Variants in MYO19 observed in about 807,000 individuals in gnomAD.
The protein encoded by MYO19 is unconventional myosin-XIX.
In MYO19, 132 loss-of-function variants were observed where a neutral mutation model predicts 129.2. The ratio of observed to expected loss-of-function variants is 1.02; its 90% CI spans 0.89 to 1.18. The LOEUF (loss-of-function observed/expected upper bound fraction) is 1.18, where lower values mean the gene tolerates loss of function less well. Among genes scored for constraint, MYO19 ranks in the 50% most tolerant of loss-of-function variants. MYO19 has a pLI of 0.00. For missense variants in MYO19, 1,210 were observed against 1,216.7 expected (o/e 0.99, Z 0.08); for synonymous variants, 531 against 477.2 (o/e 1.11, Z -1.47).
chr17:36,537,105 T>C, upstream of MYO19: 1 of 1,582,020 alleles, frequency 6.3e-7, no homozygotes, highest in Non-Finnish European at 8.6e-7. Context: ...AAGAAAAATG[T>C]CTGAAAAGCA....
upstream of MYO19, chr17:36,538,568 A>G: frequency 6.2e-7 from 1 of 1,613,582 alleles, no homozygotes; most frequent in Non-Finnish European, 8.5e-7. Context: ...CCAACTGTTT[A>G]ATTGTATATG....
At chr17:36,517,279 A>C (rs951685559) in intron 6 of MYO19, among the ~76,000 whole-genome samples, 6 of 152,068 alleles carry the variant, frequency 3.9e-5, no homozygotes, top group Admixed American at 2.0e-4. Flanking sequence ...TGTCTTCTTT[A>C]GAGGCAAAGT....
intron 6 of MYO19, among the ~76,000 whole-genome samples, chr17:36,519,274 C>CA (rs1224907641): frequency 6.6e-6 from 1 of 152,222 alleles, no homozygotes; most frequent in Non-Finnish European, 1.5e-5. Context: ...ATTAGGTACA[C>CA]ACCTGTTTAG....
chr17:36,498,650 T>C, intron 24 of MYO19, 91 bp from the exon 25 acceptor site: 1 of 1,407,762 alleles, frequency 7.1e-7, no homozygotes, highest in Middle Eastern at 2.4e-4. Context: ...CAAATCATCT[T>C]AACAAGGTGA....
chr17:36,532,723 G>C (rs900637496), intron 2 of MYO19, 42 bp from the exon 3 acceptor site: 35 of 691,774 alleles, frequency 5.1e-5, no homozygotes, highest in Non-Finnish European at 5.2e-5. Flanking sequence ...CACAGGTGAG[G>C]GCTTTTCTGG....
At chr17:36,498,193 C>T (rs2071178522) in intron 25 of MYO19, 73 bp downstream of exon 25, 19 of 1,517,374 alleles carry the variant, frequency 1.3e-5, no homozygotes, top group Admixed American at 7.1e-5. Flanking sequence ...GTCTCATTCC[C>T]GCTGTGAACT....
intron 17 of MYO19, 98 bp from the exon 18 acceptor site, chr17:36,506,706 T>C (rs1159021241): frequency 7.2e-7 from 1 of 1,396,548 alleles, no homozygotes. Flanking sequence ...GGCTTCCAGG[T>C]AGGACAGGGC....
intron 6 of MYO19, among the ~76,000 whole-genome samples, chr17:36,523,769 A>T (rs2073293640): frequency 6.6e-6 from 1 of 152,210 alleles, no homozygotes; most frequent in Admixed American, 6.5e-5. Context: ...CAAAGTAGGA[A>T]GTGAACAGAT....
intron 3 of MYO19, among the ~76,000 whole-genome samples, chr17:36,528,656 A>T (rs1326053129): frequency 6.6e-6 from 1 of 152,200 alleles, no homozygotes; most frequent in East Asian, 1.9e-4. Context: ...TCTGCCTCTT[A>T]GTAGCCCTGT....
In MYO19 at chr17:36,500,868, T is replaced by C; in HGVS notation, c.2339A>G (p.Gln780Arg). The change falls in exon 23 of 26, where the codon CAG becomes CGG. Residue 780 changes from glutamine to arginine, a missense_variant. Physicochemically the swap from Gln to Arg is conservative, Grantham distance 43 (BLOSUM62 1). Transcript: ENST00000614623. ...CATGACGGCCCGCCACTGCCGCTCC[T>C]GCTCTCGGTGCCGGTGTCGCCTCCA... ...GGWRRHRHRE[Q>R]ERQWRAVMLI... 6.2e-7 allele frequency: 1 copy of C among 1,605,272 alleles called. No homozygotes were observed. Among genetic ancestry groups the C allele is most frequent in the Non-Finnish European group, 8.5e-7 (1 of 1,179,240 alleles).
intron 2 of MYO19, among the ~76,000 whole-genome samples, chr17:36,541,159 A>G (rs2142631968): frequency 6.6e-6 from 1 of 151,880 alleles, no homozygotes; most frequent in South Asian, 2.1e-4. Context: ...GTTAGCCAAG[A>G]TGGTCTGGAT....
chr17:36,538,753 CTTAA>C, upstream of MYO19: 3 of 763,586 alleles, frequency 3.9e-6, no homozygotes, highest in Non-Finnish European at 6.1e-6. Flanking sequence ...AGCAGTGATG[CTTAA>C]TTATTTTTTT....
At chr17:36,501,421 TGCTA>T (rs1194528997) in intron 21 of MYO19, 186 bp from the exon 22 acceptor site, 3 of 611,398 alleles carry the variant, frequency 4.9e-6, no homozygotes, top group Non-Finnish European at 8.2e-6. Flanking sequence ...TCCCTCAGGG[TGCTA>T]GCTGTTCCGT....
intron 3 of MYO19, 142 bp downstream of exon 3, chr17:36,532,385 A>G: frequency 1.0e-6 from 1 of 963,332 alleles, no homozygotes; most frequent in Non-Finnish European, 1.6e-6. Flanking sequence ...GAGTTTCTTG[A>G]TGATGAGTAA....
chr17:36,523,979 A>G (rs2073305891), intron 6 of MYO19, among the ~76,000 whole-genome samples: 1 of 152,210 alleles, frequency 6.6e-6, no homozygotes, highest in South Asian at 2.1e-4. Flanking sequence ...ATGTAACTAC[A>G]TTACTATTTA....
At chr17:36,523,380 G>T (rs1017134469) in intron 6 of MYO19, among the ~76,000 whole-genome samples, 9 of 152,118 alleles carry the variant, frequency 5.9e-5, no homozygotes, top group African/African-American at 1.9e-4. Flanking sequence ...GCTCTAGGAA[G>T]GGTATCTCCA....
intron 11 of MYO19, among the ~76,000 whole-genome samples, chr17:36,512,389 C>CAAAAAAAA (rs551345278): frequency 2.6e-5 from 2 of 77,910 alleles, no homozygotes; most frequent in Admixed American, 1.4e-4. Context: ...AACTCCATCT[C>CAAAAAAAA]AAAAAAAAAA....
At chr17:36,528,616 A>G (rs2073641476) in intron 3 of MYO19, among the ~76,000 whole-genome samples, 1 of 152,122 alleles carries the variant, frequency 6.6e-6, no homozygotes, top group African/African-American at 2.4e-5. Context: ...AGACTCTGGT[A>G]TCATAGTCTG....
chr17:36,527,407 G>T, intron 5 of MYO19, 144 bp downstream of exon 5: 1 of 828,288 alleles, frequency 1.2e-6, no homozygotes, highest in Non-Finnish European at 1.8e-6. Flanking sequence ...AATTCTGCCA[G>T]CTCCTATTGG....
Sources: allele counts gnomAD v4.1 joint callset (sites outside exome capture counted in the v4.1 genomes callset), GRCh38; gene constraint gnomAD v4.1.1; transcripts MANE v1.5; gene names NCBI Gene and HGNC (gene_info 2026-07-23, HGNC 2026-07-21).